Variants in PRKD2 observed in about 807,000 individuals in gnomAD.
PRKD2 encodes the protein protein kinase D2, also known as serine/threonine-protein kinase D2.
PRKD2 carries 22 observed loss-of-function variants against 86.0 expected under a neutral mutation model. The observed-to-expected ratio is 0.26, with a 90% CI of 0.18 to 0.37. PRKD2 has a LOEUF of 0.37. Ranked by LOEUF, PRKD2 falls within the 10% of genes least tolerant of loss-of-function variation. The probability of loss-of-function intolerance (pLI) is 1.00; values close to 1 mark genes in which losing one functional copy is unlikely to be tolerated. For missense variants in PRKD2, 818 were observed against 1,199.2 expected (o/e 0.68, Z 4.70); for synonymous variants, 509 against 510.9 (o/e 1.00, Z 0.05).
intron 3 of PRKD2, 58 bp from the exon 4 acceptor site, chr19:46,704,707 T>A (rs73058662): frequency 0.11 from 169,337 of 1,533,490 alleles, 10,335 homozygotes; most frequent in Middle Eastern, 0.15. Flanking sequence ...GGTCTCTTCT[T>A]GAGAAGTTGT....
At chr19:46,700,764 T>C (rs757022159) in intron 7 of PRKD2, 35 bp downstream of exon 7, 15 of 1,594,096 alleles carry the variant, frequency 9.4e-6, no homozygotes, top group Non-Finnish European at 1.3e-5. Flanking sequence ...CAGGAGGGTC[T>C]TCCCCCAGGG....
Position 46,690,722 on chromosome 19 carries a change from A to T in PRKD2, c.1703-16T>A, listed in dbSNP as rs2053471562. 4.3e-6 allele frequency: 7 copies of T among 1,610,534 alleles called. No individual in the cohort carries two copies. The highest frequency in any genetic ancestry group is 3.4e-6 in the Non-Finnish European group (4 of 1,176,928). ...CGGTGTTTTCCTGCACAGGGAGTAGAAGAGATGGGGGATGAGAGAGCAAGA... is the reference window on the plus strand; with the variant it reads ...CGGTGTTTTCCTGCACAGGGAGTAGTAGAGATGGGGGATGAGAGAGCAAGA... On this transcript the variant is annotated splice_polypyrimidine_tract_variant and intron_variant, in intron 12 of 17. Coordinates refer to ENST00000291281, the MANE Select transcript of PRKD2 (RefSeq NM_016457.5).
chr19:46,694,769 T>C (rs1334057783), intron 9 of PRKD2, among the ~76,000 whole-genome samples: 3 of 151,756 alleles, frequency 2.0e-5, no homozygotes, highest in East Asian at 2.0e-4. Flanking sequence ...TGCCTGGACA[T>C]AGTAAAAGCT....
chr19:46,675,252 C>T (rs1030965131), intron 16 of PRKD2, 134 bp from the exon 17 acceptor site: 1 of 696,764 alleles, frequency 1.4e-6, no homozygotes, highest in Non-Finnish European at 2.5e-6. Flanking sequence ...GAAGCCTCAC[C>T]TGTGCCAATC....
At chr19:46,675,163 C>T (rs2053179177) in intron 16 of PRKD2, 45 bp from the exon 17 acceptor site, 1 of 1,531,866 alleles carries the variant, frequency 6.5e-7, no homozygotes, top group African/African-American at 1.4e-5. Flanking sequence ...GGTCAAGGGT[C>T]ACTCCTCCTC....
chr19:46,689,735 C>T, intron 13 of PRKD2, 37 bp from the exon 14 acceptor site: 1 of 1,611,962 alleles, frequency 6.2e-7, no homozygotes. Flanking sequence ...CCCAGGTAAC[C>T]CACAAACTCA....
chr19:46,714,560 TGTCTGG>T (rs1382787058), intron 1 of PRKD2: 1 of 141,500 alleles, frequency 7.1e-6, no homozygotes, highest in African/African-American at 2.6e-5. Context: ...AGGACCCAGG[TGTCTGG>T]GTCCTCAGCT....
chr19:46,716,454 G>A lies in PRKD2; in HGVS notation c.-84C>T, dbSNP rs1242442932. ...GGGGGACCCTGGGTTCTAGATCCGC[G>A]GGATCTCGTGAGCAGGTGGTGGGAG... On this transcript the variant is annotated 5_prime_UTR_variant, in exon 1 of 18. Coordinates refer to ENST00000291281, the MANE Select transcript of PRKD2 (RefSeq NM_016457.5). This position sits in a 1 kb window ranked among gnomAD's most constrained non-coding sequence, Gnocchi z 7.9. 8.6e-6 allele frequency: 6 copies of A among 698,864 alleles called. No homozygotes were observed. Among genetic ancestry groups the A allele is most frequent in the Non-Finnish European group, 1.1e-5 (5 of 451,624 alleles). The allele number at this position is 698,864 out of a possible 1,614,324, so 43.3% of individuals were successfully genotyped here. A position where few individuals can be genotyped will look rare whatever the true frequency, so the allele number is the denominator to read the frequency against.
At chr19:46,697,080 C>A (rs2053569480) in intron 9 of PRKD2, 77 bp downstream of exon 9, 2 of 1,171,864 alleles carry the variant, frequency 1.7e-6, no homozygotes, top group Admixed American at 3.4e-5. Context: ...TCTGGAGTAA[C>A]TGGGGGTAGG....
At chr19:46,680,924 C>CTATATATATATATATATATATATATATA (rs1159306440) in intron 15 of PRKD2, among the ~76,000 whole-genome samples, 5 of 72,438 alleles carry the variant, frequency 6.9e-5, no homozygotes, top group Non-Finnish European at 1.4e-4. Flanking sequence ...TTGGGATAAA[C>CTATATATATATATATATATATATATATA]TATATATATA....
chr19:46,711,989 A>C (rs1379836410), intron 2 of PRKD2, among the ~76,000 whole-genome samples: 1 of 149,872 alleles, frequency 6.7e-6, no homozygotes, highest in Admixed American at 6.7e-5. Context: ...AATTGCTTGA[A>C]CCCGGGAGGC....
intron 17 of PRKD2, 148 bp from the exon 18 acceptor site, chr19:46,674,883 C>T: frequency 8.6e-7 from 1 of 1,159,248 alleles, no homozygotes. Flanking sequence ...TAGCTCCACC[C>T]CCTCTTCCTG....
At chr19:46,713,835 CG>C in intron 2 of PRKD2, 27 bp downstream of exon 2, 1 of 1,488,530 alleles carries the variant, frequency 6.7e-7, no homozygotes, top group Non-Finnish European at 9.0e-7. Context: ...CCCGAGGCCC[CG>C]CCCCCAGGCC....
chr19:46,711,320 G>A (rs2053805858), intron 2 of PRKD2, among the ~76,000 whole-genome samples: 1 of 152,224 alleles, frequency 6.6e-6, no homozygotes, highest in Non-Finnish European at 1.5e-5. Context: ...CAGTTCTGGA[G>A]ACCGGCTGCA....
chr19:46,689,774 G>A (rs888798989), intron 13 of PRKD2, 76 bp from the exon 14 acceptor site: 9 of 1,536,100 alleles, frequency 5.9e-6, no homozygotes, highest in Non-Finnish European at 8.9e-7. Flanking sequence ...ATAGGAGCAG[G>A]AGGATGACAA....
At chr19:46,679,427 T>TGTTA (rs1459185268) in intron 15 of PRKD2, among the ~76,000 whole-genome samples, 1 of 152,172 alleles carries the variant, frequency 6.6e-6, no homozygotes, top group Non-Finnish European at 1.5e-5. Flanking sequence ...GTATGCAACG[T>TGTTA]GTTAGGAGCA....
At chr19:46,680,017 C>T (rs1357354215) in intron 15 of PRKD2, among the ~76,000 whole-genome samples, 1 of 152,140 alleles carries the variant, frequency 6.6e-6, no homozygotes, top group Admixed American at 6.5e-5. Context: ...CTGCTGCCTA[C>T]CTCTCAGCCT....
chr19:46,682,241 C>T (rs895185176), intron 14 of PRKD2, among the ~76,000 whole-genome samples: 53 of 151,898 alleles, frequency 3.5e-4, no homozygotes, highest in Non-Finnish European at 3.2e-4. Flanking sequence ...CTCCTGACCT[C>T]GTGATTTCCC....
Position 46,716,381 on chromosome 19 carries a change from CG to C in PRKD2, c.-12del. On this transcript the variant is annotated 5_prime_UTR_variant, in exon 1 of 18. Transcript: ENST00000291281. This position sits in a 1 kb window ranked among gnomAD's most constrained non-coding sequence, Gnocchi z 7.9. ...GGGGGCGGTGGCCATGGGGGGAGGC[CG>C]GGGACCGGCCGCCTGGAGCCCACCC... 1.8e-6 allele frequency: 2 copies of C among 1,108,356 alleles called. No individual in the cohort carries two copies. Among genetic ancestry groups the C allele is most frequent in the Non-Finnish European group, 2.3e-6 (2 of 882,358 alleles). The allele number at this position is 1,108,356 out of a possible 1,614,324, so 68.7% of individuals were successfully genotyped here.
Sources: gnomAD v4.1 joint callset for allele counts (sites outside exome capture counted in the v4.1 genomes callset) on GRCh38, gnomAD v4.1.1 for gene constraint, Gnocchi (gnomAD v3.1) non-coding constraint, MANE v1.5 for transcripts, NCBI Gene and HGNC (gene_info 2026-07-23, HGNC 2026-07-21) for gene names.